Variants in CREB5 observed in about 807,000 individuals in gnomAD.
CREB5 encodes the protein cyclic AMP-responsive element-binding protein 5.
CREB5 carries 19 observed loss-of-function variants against 57.1 expected under a neutral mutation model. The ratio of observed to expected loss-of-function variants is 0.33; its 90% CI spans 0.23 to 0.49. CREB5 has a LOEUF of 0.49. Ranked by LOEUF, CREB5 falls within the 20% of genes least tolerant of loss-of-function variation. CREB5 has a pLI of 0.99. For synonymous variants in CREB5, 238 were observed against 238.3 expected, an observed-to-expected ratio of 1.00 and a Z score of 0.01; for missense variants, 579 against 671.6, an observed-to-expected ratio of 0.86 and a Z score of 1.52.
At chr7:28,362,994 T>C (rs1786519063) in intron 1 of CREB5, among the ~76,000 whole-genome samples, 1 of 152,176 alleles carries the variant, frequency 6.6e-6, no homozygotes, top group Admixed American at 6.5e-5. Flanking sequence ...TTATAATATC[T>C]AACACTAGGG....
chr7:28,356,381 C>G (rs377417462), intron 1 of CREB5, among the ~76,000 whole-genome samples: 10 of 152,310 alleles, frequency 6.6e-5, no homozygotes, highest in African/African-American at 2.2e-4. Context: ...GAAACACCCT[C>G]TCTACTTAGC....
chr7:28,372,565 A>T (rs1786729530), intron 1 of CREB5, among the ~76,000 whole-genome samples: 2 of 152,238 alleles, frequency 1.3e-5, no homozygotes, highest in African/African-American at 4.8e-5. Context: ...AATATTATTT[A>T]TGATGCTTAT....
intron 1 of CREB5, among the ~76,000 whole-genome samples, chr7:28,431,969 C>T (rs1788730733): frequency 7.0e-6 from 1 of 143,786 alleles, no homozygotes; most frequent in African/African-American, 2.6e-5. Context: ...GAGGTGACTG[C>T]AAACAGCTAT....
At chr7:28,408,555 C>G (rs1321874329), upstream of CREB5, among the ~76,000 whole-genome samples, 1 of 152,174 alleles carries the variant, frequency 6.6e-6, no homozygotes, top group African/African-American at 2.4e-5. Flanking sequence ...CGAAGAGGCT[C>G]TGGAAGTGAC....
At chr7:28,508,529 G>A (rs1216707370) in intron 4 of CREB5, among the ~76,000 whole-genome samples, 5 of 152,216 alleles carry the variant, frequency 3.3e-5, no homozygotes, top group African/African-American at 1.2e-4. Context: ...AATGAATTCT[G>A]AAGTCCAGCT....
intron 1 of CREB5, among the ~76,000 whole-genome samples, chr7:28,432,410 T>A (rs1001657798): frequency 6.6e-6 from 1 of 152,226 alleles, no homozygotes; most frequent in African/African-American, 2.4e-5. Flanking sequence ...CGCAGTTTTG[T>A]GGCTCTTTTG....
At position 28,757,487 on chromosome 7, in the gene CREB5, G is replaced by A. The variant is rs1408670705; in HGVS notation, c.702+33155G>A. On this transcript the variant is annotated intron_variant, in intron 7 of 10. Transcript: ENST00000357727. The stretch of plus-strand genomic sequence containing the variant: ...GGAGATCGAGACCATCCTGGCTAAC[G>A]CGGTGAAACCCCGTCTCTACTAAAA... 4.6e-5 allele frequency among the ~76,000 whole-genome samples: 7 copies of A among 151,936 alleles called. 1 individual carries two copies. In the East Asian group the frequency reaches 5.8e-4, roughly 13 times the overall value.
rs115219400 is a variant in CREB5 at position 28,780,287 on chromosome 7, C to T, written c.703-23912C>T. 3.9e-3 allele frequency among the ~76,000 whole-genome samples: 595 copies of T among 152,358 alleles called. 5 individuals carry two copies. The highest frequency in any genetic ancestry group is 0.013 in the African/African-American group (555 of 41,590). On this transcript the variant is annotated intron_variant, in intron 7 of 10. Coordinates refer to ENST00000357727, the MANE Select transcript of CREB5 (RefSeq NM_182898.4). ...CTGAATGCCATTGGAACTACCCCAA[C>T]AAACAATGCCCTGCCAGAGTCAATG... is the stretch of plus-strand genomic sequence containing the variant.
rs1317777277 is a variant in CREB5 at position 28,823,588 on chromosome 7, A to T, written c.*4309A>T. 6.6e-6 allele frequency: 1 copy of T among 152,360 alleles called. No individual in the cohort carries two copies. The highest frequency in any genetic ancestry group is 1.5e-5 in the Non-Finnish European group (1 of 67,996). The allele number at this position is 152,360 out of a possible 1,614,324, so 9.4% of individuals were successfully genotyped here. ...ATCAACATTCTGAACAGTTTTTTTT[A>T]AACATTTATTTCTGTGTGTTCATTT... On this transcript the variant is annotated 3_prime_UTR_variant, in exon 11 of 11. Transcript: ENST00000357727.
intron 7 of CREB5, among the ~76,000 whole-genome samples, chr7:28,784,213 A>G (rs1262249169): frequency 6.6e-6 from 1 of 152,208 alleles, no homozygotes; most frequent in African/African-American, 2.4e-5. Context: ...GGGCTGAGAA[A>G]TGTGTGTTTC....
intron 1 of CREB5, among the ~76,000 whole-genome samples, chr7:28,307,971 G>C (rs779891980): frequency 1.1e-4 from 16 of 152,230 alleles, no homozygotes; most frequent in African/African-American, 2.7e-4. Context: ...CGCCCAAGGA[G>C]GGCTGCTCCA....
chr7:28,736,126 C>CAGCAAGGA (rs1004766625), intron 7 of CREB5, among the ~76,000 whole-genome samples: 3 of 151,992 alleles, frequency 2.0e-5, no homozygotes, highest in African/African-American at 7.2e-5. Flanking sequence ...GGTAAGGAGT[C>CAGCAAGGA]AGCAAGGAAC....
At position 28,535,122 on chromosome 7, in the gene CREB5, C is replaced by T. The variant is rs750183385; in HGVS notation, c.291+27385C>T. On this transcript the variant is annotated intron_variant, in intron 4 of 10. Coordinates refer to ENST00000357727, the MANE Select transcript of CREB5 (RefSeq NM_182898.4). ...TGTCCCATGGTCACCCCATCTACAC[C>T]GGCTCTTTAAGGCCCAGTGTGGTCA... Among the ~76,000 whole-genome samples, 14 of 141,882 alleles carry T rather than the reference C, an allele frequency of 9.9e-5. 3 individuals are homozygous for T. The highest frequency in any genetic ancestry group is 2.2e-4 in the South Asian group (1 of 4,640). 93.1% of individuals were successfully genotyped at this position (141,882 alleles called of 152,430 possible).
chr7:28,476,872 G>A (rs374961998), intron 1 of CREB5, among the ~76,000 whole-genome samples: 1 of 98,050 alleles, frequency 1.0e-5, no homozygotes, highest in Non-Finnish European at 2.1e-5. Context: ...CTTTCTCATG[G>A]CCTCTGAACT....
intron 1 of CREB5, among the ~76,000 whole-genome samples, chr7:28,454,104 C>T (rs1789978548): frequency 6.6e-6 from 1 of 152,054 alleles, no homozygotes; most frequent in African/African-American, 2.4e-5. Context: ...CAGGCACTCG[C>T]CACCACACCT....
chr7:28,538,769 C>A (rs1794085055), intron 4 of CREB5, among the ~76,000 whole-genome samples: 1 of 151,828 alleles, frequency 6.6e-6, no homozygotes, highest in Non-Finnish European at 1.5e-5. Flanking sequence ...TTAGCTGTAT[C>A]CCACAAATTT....
intron 1 of CREB5, among the ~76,000 whole-genome samples, chr7:28,333,288 T>C (rs557599221): frequency 1.3e-5 from 2 of 152,358 alleles, no homozygotes; most frequent in African/African-American, 4.8e-5. Context: ...TAGCTGTATA[T>C]ATTTATGGGT....
intron 1 of CREB5, among the ~76,000 whole-genome samples, chr7:28,462,114 CTG>C (rs1790374820): frequency 6.6e-6 from 1 of 152,150 alleles, no homozygotes; most frequent in Non-Finnish European, 1.5e-5. Flanking sequence ...AATCTACTTT[CTG>C]TCTGTTTGGG....
chr7:28,794,897 C>T (rs1351118697), intron 7 of CREB5, among the ~76,000 whole-genome samples: 1 of 152,112 alleles, frequency 6.6e-6, no homozygotes, highest in Non-Finnish European at 1.5e-5. Flanking sequence ...GATGTTCGTC[C>T]CAGTGTTACA....
Sources: allele counts gnomAD v4.1 joint callset (sites outside exome capture counted in the v4.1 genomes callset), GRCh38; gene constraint gnomAD v4.1.1; transcripts MANE v1.5; gene names NCBI Gene and HGNC (gene_info 2026-07-23, HGNC 2026-07-21).